SEC22A: variants seen among roughly 807,000 people sequenced by gnomAD.
The protein encoded by SEC22A is vesicle-trafficking protein SEC22a.
SEC22A carries 22 observed loss-of-function variants against 35.3 expected under a neutral mutation model. That is an observed-to-expected ratio of 0.62 (90% CI 0.45 to 0.89). SEC22A has a LOEUF of 0.89. Ranked by LOEUF, SEC22A falls within the 40% of genes least tolerant of loss-of-function variation. SEC22A has a pLI of 0.00. For missense variants in SEC22A, 354 were observed against 362.5 expected (o/e 0.98, Z 0.19); for synonymous variants, 119 against 129.5 (o/e 0.92, Z 0.55).
At chr3:123,254,893 C>G (rs1419822455) in intron 5 of SEC22A, among the ~76,000 whole-genome samples, 1 of 151,366 alleles carries the variant, frequency 6.6e-6, no homozygotes, top group Non-Finnish European at 1.5e-5. Context: ...CTCACCCCAC[C>G]CCACAACAGA....
chr3:123,256,917 G>A (rs1398403128), intron 5 of SEC22A, among the ~76,000 whole-genome samples: 2 of 151,640 alleles, frequency 1.3e-5, no homozygotes, highest in African/African-American at 4.8e-5. Flanking sequence ...CCGCCACCAC[G>A]CCCGGCTAAT....
intron 6 of SEC22A, among the ~76,000 whole-genome samples, chr3:123,268,996 A>C (rs575523618): frequency 1.3e-5 from 2 of 152,236 alleles, no homozygotes; most frequent in African/African-American, 4.8e-5. Context: ...GCTGTATAGT[A>C]TAATATGCTG....
intron 4 of SEC22A, among the ~76,000 whole-genome samples, chr3:123,233,775 A>G (rs189844159): frequency 6.6e-6 from 1 of 152,210 alleles, no homozygotes; most frequent in Admixed American, 6.5e-5. Flanking sequence ...GCTTTTTCCT[A>G]AGATCCAGGG....
At chr3:123,209,797 C>T (rs1186637321) in intron 2 of SEC22A, among the ~76,000 whole-genome samples, 1 of 152,112 alleles carries the variant, frequency 6.6e-6, no homozygotes, top group Non-Finnish European at 1.5e-5. Flanking sequence ...ACATACAAAT[C>T]AAGTAAAACT....
intron 1 of SEC22A, chr3:123,208,217 A>G (rs923180467): frequency 6.6e-6 from 1 of 152,144 alleles, no homozygotes; most frequent in African/African-American, 2.4e-5. Context: ...CATAACTTTT[A>G]GTTGCTGCAT....
rs570506312 is a variant in SEC22A, at chr3:123,273,830, C to A, written c.*2108C>A. On this transcript the variant is annotated 3_prime_UTR_variant, in exon 7 of 7. Transcript: ENST00000492595. ...TCTCAAAAAAGAAAGGTTTTCTAAA[C>A]TAATGGTTAAAACAGAATTTTCTTG... 8.6e-5 allele frequency: 13 copies of A among 151,930 alleles called. No individual in the cohort carries two copies. The highest frequency in any genetic ancestry group is 3.1e-4 in the African/African-American group (13 of 41,288). The allele number at this position is 151,930 out of a possible 1,614,324, so 9.4% of individuals were successfully genotyped here. A position where few individuals can be genotyped will look rare whatever the true frequency, so the allele number is the denominator to read the frequency against.
chr3:123,268,291 CT>C (rs926254803), intron 6 of SEC22A, among the ~76,000 whole-genome samples: 5 of 152,058 alleles, frequency 3.3e-5, no homozygotes, highest in African/African-American at 1.2e-4. Context: ...TATTGAGGGT[CT>C]TTTTTGTTGT....
chr3:123,205,647 A>T (rs1936839824), intron 1 of SEC22A, among the ~76,000 whole-genome samples: 1 of 152,164 alleles, frequency 6.6e-6, no homozygotes, highest in African/African-American at 2.4e-5. Flanking sequence ...ATTGCACTCC[A>T]GCCTGGGCAA....
intron 5 of SEC22A, among the ~76,000 whole-genome samples, chr3:123,252,795 A>G (rs916515511): frequency 3.9e-5 from 6 of 152,240 alleles, no homozygotes; most frequent in African/African-American, 1.4e-4. Context: ...GATTTATTCA[A>G]ATACGTAGCA....
At chr3:123,206,933 C>T (rs762180490) in intron 1 of SEC22A, among the ~76,000 whole-genome samples, 1 of 152,082 alleles carries the variant, frequency 6.6e-6, no homozygotes, top group African/African-American at 2.4e-5. Context: ...ACTGAAAATA[C>T]AAAAATGAGC....
chr3:123,237,155 G>A (rs917645996), intron 4 of SEC22A, among the ~76,000 whole-genome samples: 3 of 152,172 alleles, frequency 2.0e-5, no homozygotes, highest in African/African-American at 4.8e-5. Context: ...TAGATGGTGG[G>A]CTAAATTTAG....
At chr3:123,260,153 A>AAAAAAAAAAAAAAAAAAAAAAAAAAAAAC (rs1937853057) in intron 6 of SEC22A, among the ~76,000 whole-genome samples, 1 of 125,334 alleles carries the variant, frequency 8.0e-6, no homozygotes, top group African/African-American at 2.8e-5. Context: ...AAAAAAAAAA[A>AAAAAAAAAAAAAAAAAAAAAAAAAAAAAC]AAAAAAAAAA....
intron 4 of SEC22A, among the ~76,000 whole-genome samples, chr3:123,230,618 C>T: frequency 6.9e-6 from 1 of 144,954 alleles, no homozygotes; most frequent in East Asian, 2.1e-4. Context: ...ACATGGTAAG[C>T]TTAGAGCAAC....
chr3:123,228,861 A>C (rs1937263634), intron 4 of SEC22A, among the ~76,000 whole-genome samples: 1 of 152,198 alleles, frequency 6.6e-6, no homozygotes, highest in African/African-American at 2.4e-5. Flanking sequence ...TAAAATTACT[A>C]AAATGAAAAA....
At chr3:123,207,914 A>G (rs1936877242) in intron 1 of SEC22A, among the ~76,000 whole-genome samples, 1 of 152,234 alleles carries the variant, frequency 6.6e-6, no homozygotes, top group Admixed American at 6.5e-5. Flanking sequence ...TAGCTTTAGG[A>G]TTTATTTTAA....
rs539933770 is a variant in SEC22A at position 123,248,991 on chromosome 3, G to C, written c.657+2977G>C. On this transcript the variant is annotated intron_variant, in intron 5 of 6. Coordinates refer to ENST00000492595, the MANE Select transcript of SEC22A (RefSeq NM_012430.5). ...AAGAATGCCCCCACCTCAGATGCTA[G>C]TTGCAAGTTCAGGTTGTCACCAATT... Among the ~76,000 whole-genome samples, 8 of 152,286 alleles carry C rather than the reference G, an allele frequency of 5.3e-5. No homozygotes were observed. The East Asian group carries it at 1.2e-3, about 22-fold the overall frequency.
Position 123,209,307 on chromosome 3 carries a change from G to A in SEC22A, c.90G>A (p.Met30Ile). 1 of 1,614,010 alleles carries A rather than the reference G, an allele frequency of 6.2e-7. No individual in the cohort carries two copies. The highest frequency in any genetic ancestry group is 2.2e-5 in the East Asian group (1 of 44,862). Residue 30 changes from methionine to isoleucine, a missense_variant, in exon 2 of 7, where the codon ATG (methionine) becomes ATA (isoleucine). Coordinates refer to ENST00000492595, the MANE Select transcript of SEC22A (RefSeq NM_012430.5). ...ASTDYEQSTG[M>I]QECRKYFKML... ...CTGATTATGAACAAAGCACAGGAATGCAGGAGTGCAGAAAGTATTTTAAAA... is the reference window on the plus strand; with the variant it reads ...CTGATTATGAACAAAGCACAGGAATACAGGAGTGCAGAAAGTATTTTAAAA...
chr3:123,229,274 A>G (rs1286596833), intron 4 of SEC22A, among the ~76,000 whole-genome samples: 16 of 152,232 alleles, frequency 1.1e-4, no homozygotes, highest in Admixed American at 9.2e-4. Flanking sequence ...GTTTACCTGT[A>G]TAACAAACCT....
At chr3:123,238,241 C>T (rs1304778762) in intron 4 of SEC22A, among the ~76,000 whole-genome samples, 2 of 152,162 alleles carry the variant, frequency 1.3e-5, no homozygotes, top group African/African-American at 4.8e-5. Flanking sequence ...TGTCACCCAG[C>T]AGGCTTGAGT....
Sources: gnomAD v4.1 joint callset for allele counts (sites outside exome capture counted in the v4.1 genomes callset) on GRCh38, gnomAD v4.1.1 for gene constraint, MANE v1.5 for transcripts, NCBI Gene and HGNC (gene_info 2026-07-23, HGNC 2026-07-21) for gene names.